FGF1: variants seen among roughly 807,000 people sequenced by gnomAD.
The protein encoded by FGF1 is fibroblast growth factor 1.
A neutral mutation model predicts 13.4 loss-of-function variants in FGF1; 9 were observed. The ratio of observed to expected loss-of-function variants is 0.67; its 90% CI spans 0.40 to 1.17. FGF1 has a LOEUF of 1.17. Ranked by LOEUF, FGF1 falls within the 50% of genes most tolerant of loss-of-function variation. The pLI is 0.01. For missense variants in FGF1, 156 were observed against 192.7 expected, an observed-to-expected ratio of 0.81 and a Z score of 1.13; for synonymous variants, 93 against 79.0, an observed-to-expected ratio of 1.18 and a Z score of -0.94.
In FGF1 at chr5:142,594,240, C is replaced by T. The variant is rs1370228246; in HGVS notation, c.*1050G>A. 1.3e-5 allele frequency: 2 copies of T among 152,250 alleles called. No homozygotes were observed. The highest frequency in any genetic ancestry group is 4.8e-5 in the African/African-American group (2 of 41,432). 9.4% of individuals were successfully genotyped at this position (152,250 alleles called of 1,614,324 possible). On this transcript the variant is annotated 3_prime_UTR_variant, in exon 4 of 4. Transcript: ENST00000337706. ...GGTAAGGCAGCAGTATTGTCAGCAC[C>T]TGCACCTGGGGGGGACCTGATGGAA...
intron 2 of FGF1, among the ~76,000 whole-genome samples, chr5:142,606,650 C>A (rs553084401): frequency 6.6e-6 from 1 of 151,918 alleles, no homozygotes; most frequent in African/African-American, 2.4e-5. Flanking sequence ...GAACACAATA[C>A]GTGTGTAGCT....
At chr5:142,622,058 CTT>C (rs994444634) in intron 1 of FGF1, among the ~76,000 whole-genome samples, 1 of 152,216 alleles carries the variant, frequency 6.6e-6, no homozygotes, top group African/African-American at 2.4e-5. Flanking sequence ...TTTAATGTCT[CTT>C]TTCATGACTG....
At position 142,616,852 on chromosome 5, in the gene FGF1, A is replaced by AT. The variant is rs544847077; in HGVS notation, c.-34-2692dup. The stretch of plus-strand genomic sequence containing the variant: ...CTTAAAATACAACTAAGAGGTAATG[A>AT]TTTTTTTCTTTCATTTATTTTTTCC... On this transcript the variant is annotated intron_variant, in intron 1 of 3. Coordinates refer to ENST00000337706, the MANE Select transcript of FGF1 (RefSeq NM_000800.5). 2.6e-5 allele frequency among the ~76,000 whole-genome samples: 4 copies of AT among 152,246 alleles called. No homozygotes were observed. The South Asian group carries it at 8.3e-4, about 32-fold the overall frequency.
At chr5:142,599,236 C>A (rs114795076) in intron 3 of FGF1, among the ~76,000 whole-genome samples, 4 of 152,152 alleles carry the variant, frequency 2.6e-5, no homozygotes, top group Non-Finnish European at 4.4e-5. Flanking sequence ...GAAGAACTAC[C>A]TTAAAAAAAT....
At position 142,692,157 on chromosome 5, in the gene FGF1, C is replaced by A. The variant is rs374602262; in HGVS notation, c.-35+5465G>T. 1.4e-4 allele frequency among the ~76,000 whole-genome samples: 22 copies of A among 152,182 alleles called. No individual in the cohort carries two copies. The East Asian group carries it at 3.5e-3, about 24-fold the overall frequency. On this transcript the variant is annotated intron_variant, in intron 2 of 4. Coordinates refer to the FGF1 transcript ENST00000407758. ...ACCAGCCTGGGCAACATGATGAAAC[C>A]CCTTCTCTACCAAAAAAAACCCCAC... is the stretch of plus-strand genomic sequence containing the variant.
chr5:142,647,055 C>T (rs1212952822), intron 1 of FGF1, among the ~76,000 whole-genome samples: 1 of 152,126 alleles, frequency 6.6e-6, no homozygotes, highest in African/African-American at 2.4e-5. Context: ...CACGCACCCA[C>T]AGAAAGAAAA....
intron 1 of FGF1, among the ~76,000 whole-genome samples, chr5:142,649,419 T>C (rs1462780285): frequency 6.6e-6 from 1 of 152,196 alleles, no homozygotes; most frequent in Non-Finnish European, 1.5e-5. Flanking sequence ...ATTGTTTTTT[T>C]TTTTTGAGAC....
At chr5:142,629,519 T>C (rs769937570) in intron 1 of FGF1, among the ~76,000 whole-genome samples, 5 of 152,206 alleles carry the variant, frequency 3.3e-5, no homozygotes, top group Non-Finnish European at 7.3e-5. Flanking sequence ...CCTCCAAATC[T>C]AATTGCGTTA....
chr5:142,626,982 G>A (rs1317919623), intron 1 of FGF1: 1 of 152,208 alleles, frequency 6.6e-6, no homozygotes, highest in Non-Finnish European at 1.5e-5. Flanking sequence ...GTAAAATGAA[G>A]CTGTTAAGAG....
chr5:142,667,739 G>A (rs796095673), intron 1 of FGF1, among the ~76,000 whole-genome samples: 24 of 152,326 alleles, frequency 1.6e-4, no homozygotes, highest in African/African-American at 5.5e-4. Context: ...GAAGGCCTCG[G>A]CGGGCTCTGA....
At chr5:142,626,736 G>A (rs1184110842) in intron 1 of FGF1, 1 of 152,278 alleles carries the variant, frequency 6.6e-6, no homozygotes, top group Non-Finnish European at 1.5e-5. Context: ...GCCTCCTTTA[G>A]GTGACCCTGC....
chr5:142,602,690 T>G (rs1031513033), intron 2 of FGF1, among the ~76,000 whole-genome samples: 3 of 151,966 alleles, frequency 2.0e-5, no homozygotes, highest in African/African-American at 7.3e-5. Context: ...CTAATGGTAA[T>G]GTACTGAGCA....
At chr5:142,683,077 A>C (rs1240347601) in intron 1 of FGF1, among the ~76,000 whole-genome samples, 1 of 152,182 alleles carries the variant, frequency 6.6e-6, no homozygotes, top group Non-Finnish European at 1.5e-5. Flanking sequence ...TCTTCAGAAA[A>C]AGTACTCTCA....
chr5:142,667,812 A>C (rs538166878), intron 1 of FGF1, among the ~76,000 whole-genome samples: 1 of 152,042 alleles, frequency 6.6e-6, no homozygotes, highest in African/African-American at 2.4e-5. Context: ...CCTCATCCAC[A>C]TGCTGTCTTG....
intron 1 of FGF1, chr5:142,680,051 C>T (rs1276049037): frequency 2.6e-5 from 4 of 152,232 alleles, no homozygotes; most frequent in African/African-American, 4.8e-5. Context: ...CCTATGTCCA[C>T]TCACTTTGTC....
chr5:142,670,662 G>A (rs1157460805), intron 1 of FGF1, among the ~76,000 whole-genome samples: 12 of 152,042 alleles, frequency 7.9e-5, no homozygotes, highest in African/African-American at 2.9e-4. Flanking sequence ...GAAGAAATTA[G>A]GAAAAAAACC....
chr5:142,618,932 T>G (rs923726326), intron 1 of FGF1, among the ~76,000 whole-genome samples: 1 of 115,924 alleles, frequency 8.6e-6, no homozygotes, highest in Non-Finnish European at 1.8e-5. Flanking sequence ...TTGTTTTGTT[T>G]TTTTTTTTTT....
At chr5:142,693,909 C>T (rs1752647508) in intron 2 of FGF1, among the ~76,000 whole-genome samples, 1 of 151,926 alleles carries the variant, frequency 6.6e-6, no homozygotes, top group Non-Finnish European at 1.5e-5. Context: ...CATTTTATTT[C>T]TCTGTTCATC....
At chr5:142,693,381 C>G (rs948999075) in intron 2 of FGF1, among the ~76,000 whole-genome samples, 13 of 152,118 alleles carry the variant, frequency 8.5e-5, no homozygotes, top group African/African-American at 3.1e-4. Flanking sequence ...ACCTCCACCT[C>G]CCAGGATTCA....
Sources: gnomAD v4.1 joint callset for allele counts (sites outside exome capture counted in the v4.1 genomes callset) on GRCh38, gnomAD v4.1.1 for gene constraint, MANE v1.5 for transcripts, NCBI Gene and HGNC (gene_info 2026-07-23, HGNC 2026-07-21) for gene names.